The following FRMD3 variants were observed in gnomAD, a reference collection of about 807,000 sequenced individuals.
FRMD3 encodes the protein FERM domain-containing protein 3.
A neutral mutation model predicts 70.2 loss-of-function variants in FRMD3; 33 were observed. The ratio of observed to expected loss-of-function variants is 0.47; its 90% CI spans 0.36 to 0.63. The LOEUF (loss-of-function observed/expected upper bound fraction) is 0.63, where lower values mean the gene tolerates loss of function less well. FRMD3 is among the 20% of genes least tolerant of loss of function. The probability of loss-of-function intolerance (pLI) is 0.00; values close to 1 mark genes in which losing one functional copy is unlikely to be tolerated. For missense variants in FRMD3, 632 were observed against 711.4 expected, an observed-to-expected ratio of 0.89 and a Z score of 1.27; for synonymous variants, 279 against 255.9, an observed-to-expected ratio of 1.09 and a Z score of -0.86.
chr9:83,579,232 C>A, the FRMD3 span, among the ~76,000 whole-genome samples: 2 of 151,556 alleles, frequency 1.3e-5, no homozygotes, highest in Non-Finnish European at 2.9e-5. Context: ...AATGCCTATA[C>A]TACCCAAAAT....
At chr9:83,427,254 G>A (rs920621063) in intron 1 of FRMD3, among the ~76,000 whole-genome samples, 2 of 152,184 alleles carry the variant, frequency 1.3e-5, no homozygotes, top group African/African-American at 4.8e-5. Context: ...GTCTGTGGGT[G>A]AGGGATGGAG....
the FRMD3 span, among the ~76,000 whole-genome samples, chr9:83,565,599 C>G: frequency 2.0e-5 from 3 of 152,292 alleles, no homozygotes; most frequent in East Asian, 5.8e-4. Context: ...AGATACTGCC[C>G]GTAGCGCCCT....
chr9:83,574,425 G>A, the FRMD3 span, among the ~76,000 whole-genome samples: 5 of 152,246 alleles, frequency 3.3e-5, no homozygotes, highest in African/African-American at 1.2e-4. Context: ...AATTACTGGT[G>A]TATTTCATGG....
chr9:83,380,950 A>G (rs1340469976), intron 2 of FRMD3, among the ~76,000 whole-genome samples: 3 of 152,158 alleles, frequency 2.0e-5, no homozygotes. Context: ...CCCTAAAAAG[A>G]TGGCCTGATT....
In FRMD3 at chr9:83,246,196, G is replaced by A; in HGVS notation, c.*1722C>T. 2 of 985,130 alleles carry A rather than the reference G, an allele frequency of 2.0e-6. No individual in the cohort carries two copies. Among genetic ancestry groups the A allele is most frequent in the African/African-American group, 1.7e-5 (1 of 57,324 alleles). The allele number at this position is 985,130 out of a possible 1,614,324, so 61.0% of individuals were successfully genotyped here. A position where few individuals can be genotyped will look rare whatever the true frequency, so the allele number is the denominator to read the frequency against. On this transcript the variant is annotated 3_prime_UTR_variant, in exon 14 of 14. Transcript: ENST00000304195. ...TGGAATGTCATTAGCTAGAGAGAGCGATTCCAAGTGGGCCCTGTAACTTTG... is the reference window on the plus strand; with the variant it reads ...TGGAATGTCATTAGCTAGAGAGAGCAATTCCAAGTGGGCCCTGTAACTTTG...
At position 83,365,183 on chromosome 9, in the gene FRMD3, C is replaced by T. The variant is rs563949634; in HGVS notation, c.295+7730G>A. ...GAGTCTTAAGAACATTGTTAAATGC[C>T]GTAAAGAATCTCATTGAATTTTTAA... On this transcript the variant is annotated intron_variant, in intron 3 of 13. Transcript: ENST00000304195. Among the ~76,000 whole-genome samples, 16 of 152,122 alleles carry T rather than the reference C, an allele frequency of 1.1e-4. No individual in the cohort carries two copies. In the East Asian group the frequency reaches 1.2e-3, roughly 11 times the overall value.
chr9:83,457,999 T>A (rs1353119249), intron 1 of FRMD3, among the ~76,000 whole-genome samples: 2 of 31,056 alleles, frequency 6.4e-5, no homozygotes, highest in South Asian at 1.1e-3. Flanking sequence ...ATATTACCTC[T>A]CAAAAAAAAA....
Position 83,256,892 on chromosome 9 carries a change from G to T in FRMD3, c.1196-8376C>A, listed in dbSNP as rs562046697. Among the ~76,000 whole-genome samples the T allele has an allele frequency of 5.3e-5, 8 of 152,280 alleles. No homozygotes were observed. In the East Asian group the frequency reaches 7.7e-4, roughly 15 times the overall value. On this transcript the variant is annotated intron_variant, in intron 13 of 13. Transcript: ENST00000304195. Reference sequence around the variant, plus strand: ...AATGACAAATGCTGTCAAGGTTGCAGAGAAAAAGGAGCACTTTTACACTGT... The same window carrying T: ...AATGACAAATGCTGTCAAGGTTGCATAGAAAAAGGAGCACTTTTACACTGT...
intron 13 of FRMD3, among the ~76,000 whole-genome samples, chr9:83,269,133 C>A (rs1229991850): frequency 6.6e-6 from 1 of 152,200 alleles, no homozygotes; most frequent in Non-Finnish European, 1.5e-5. Context: ...CGATGAATTT[C>A]ATAGATTAAC....
At chr9:83,426,627 T>C (rs1407568964) in intron 1 of FRMD3, among the ~76,000 whole-genome samples, 3 of 152,014 alleles carry the variant, frequency 2.0e-5, no homozygotes, top group Non-Finnish European at 4.4e-5. Context: ...GGAGGATAAG[T>C]GGGAGGAGGC....
At chr9:83,419,660 T>C (rs1826572624) in intron 1 of FRMD3, among the ~76,000 whole-genome samples, 1 of 151,212 alleles carries the variant, frequency 6.6e-6, no homozygotes, top group Non-Finnish European at 1.5e-5. Context: ...TTCATGTGTA[T>C]TGAGTGTGTG....
chr9:83,552,701 T>C, the FRMD3 span, among the ~76,000 whole-genome samples: 1 of 152,226 alleles, frequency 6.6e-6, no homozygotes, highest in South Asian at 2.1e-4. Context: ...GGTCTTCTTG[T>C]TGTATTGAAC....
intron 12 of FRMD3, among the ~76,000 whole-genome samples, chr9:83,293,832 T>A (rs145743866): frequency 6.6e-6 from 1 of 152,276 alleles, no homozygotes; most frequent in East Asian, 1.9e-4. Context: ...CCTGAGACTC[T>A]CCAATAATAT....
At chr9:83,350,699 T>C (rs978823479) in intron 3 of FRMD3, 2 of 912,582 alleles carry the variant, frequency 2.2e-6, no homozygotes, top group Non-Finnish European at 2.6e-6. Context: ...AACAATTTTA[T>C]AACTTTCTGG....
chr9:83,504,296 T>C (rs895891116), intron 1 of FRMD3, among the ~76,000 whole-genome samples: 33 of 152,174 alleles, frequency 2.2e-4, no homozygotes, highest in African/African-American at 7.7e-4. Flanking sequence ...CACCTCCTAA[T>C]GGGTCTCCCT....
chr9:83,321,942 C>A (rs533224822), intron 6 of FRMD3, among the ~76,000 whole-genome samples: 3 of 152,266 alleles, frequency 2.0e-5, no homozygotes, highest in Admixed American at 6.5e-5. Context: ...CAGCCCCTAG[C>A]AGAGCAGTGG....
chr9:83,261,982 T>C (rs1208623728), intron 13 of FRMD3, among the ~76,000 whole-genome samples: 2 of 152,236 alleles, frequency 1.3e-5, no homozygotes, highest in Non-Finnish European at 2.9e-5. Flanking sequence ...GCAAAGTGCC[T>C]GACACTGGTA....
chr9:83,485,978 T>C (rs1254757549), intron 1 of FRMD3, among the ~76,000 whole-genome samples: 1 of 152,062 alleles, frequency 6.6e-6, no homozygotes, highest in East Asian at 1.9e-4. Context: ...TTGTATATCA[T>C]ACATCATATA....
intron 3 of FRMD3, among the ~76,000 whole-genome samples, chr9:83,359,533 T>C (rs1217937822): frequency 1.3e-5 from 2 of 152,092 alleles, no homozygotes; most frequent in Non-Finnish European, 2.9e-5. Flanking sequence ...TTTTCAACTT[T>C]GGAAGGCTCG....
Sources: allele counts gnomAD v4.1 joint callset (sites outside exome capture counted in the v4.1 genomes callset), GRCh38; gene constraint gnomAD v4.1.1; transcripts MANE v1.5; gene names NCBI Gene and HGNC (gene_info 2026-07-23, HGNC 2026-07-21).